Variants in PI4KA observed in about 807,000 individuals in gnomAD.
The protein encoded by PI4KA is PI4-kinase alpha.
Under a neutral mutation model 271.4 loss-of-function variants are expected in PI4KA, and 122 were observed. The ratio of observed to expected loss-of-function variants is 0.45; its 90% confidence interval spans 0.39 to 0.52. The LOEUF (loss-of-function observed/expected upper bound fraction) is 0.52, where lower values mean the gene tolerates loss of function less well. PI4KA is among the 20% of genes least tolerant of loss of function. The pLI is 0.00. For synonymous variants in PI4KA, 1,041 were observed against 1,078.8 expected, an observed-to-expected ratio of 0.96 and a Z score of 0.69; for missense variants, 1,969 against 2,769.1, an observed-to-expected ratio of 0.71 and a Z score of 6.48.
chr22:20,809,072 AGACAACGTC>A (rs1935846144), intron 9 of PI4KA, among the ~76,000 whole-genome samples: 1 of 152,146 alleles, frequency 6.6e-6, no homozygotes, highest in South Asian at 2.1e-4. Flanking sequence ...ATGGCTTTAC[AGACAACGTC>A]TGGTGGTCCT....
chr22:20,765,657 G>A lies in PI4KA; in HGVS notation c.2365C>T (p.Pro789Ser). ...RRLPPIKEAK[P>S]RLQKLFRDFW... ...TCTCGGAAGAGCTTCTGTAACCGAG[G>A]CTTAGCTTCTTTGATGGGTGGCAGT... The change falls in exon 20 of 55, where the codon CCT (proline) becomes TCT (serine). Residue 789 changes from proline to serine, a missense_variant. By Grantham distance (74) the Pro-to-Ser change is moderately conservative (BLOSUM62 -1). Transcript: ENST00000255882. 4 of 1,611,864 alleles carry A rather than the reference G, an allele frequency of 2.5e-6. No homozygotes were observed. Among genetic ancestry groups the A allele is most frequent in the Non-Finnish European group, 3.4e-6 (4 of 1,178,080 alleles).
At chr22:20,750,050 C>T (rs770347752) in intron 27 of PI4KA, 56 bp from the exon 28 acceptor site, 39 of 1,126,810 alleles carry the variant, frequency 3.5e-5, no homozygotes, top group Non-Finnish European at 4.5e-5. Context: ...TCTGAGCTGC[C>T]GTAGTGACTG....
At chr22:20,786,809 T>C (rs1934272026) in intron 19 of PI4KA, 3 of 1,454,404 alleles carry the variant, frequency 2.1e-6, no homozygotes, top group East Asian at 2.3e-5. Flanking sequence ...GATATGAGAT[T>C]GTGCTGGGAA....
rs1926113580 is a variant in PI4KA, at chr22:20,717,260, T to C, written c.5317+448A>G. Among the ~76,000 whole-genome samples the C allele has an allele frequency of 3.9e-5, 6 of 152,202 alleles. No individual in the cohort carries two copies. In the South Asian group the frequency reaches 1.2e-3, roughly 31 times the overall value. ...CTTCTCTTGAAAAGCTCAGCTTGAA[T>C]TCCCATGTGGCCACAGCCACAGGCA... On this transcript the variant is annotated intron_variant, in intron 45 of 54. Transcript: ENST00000255882.
intron 2 of PI4KA, among the ~76,000 whole-genome samples, chr22:20,837,846 A>G (rs987379902): frequency 6.6e-6 from 1 of 152,080 alleles, no homozygotes; most frequent in African/African-American, 2.4e-5. Context: ...GATGGCTCAC[A>G]CGTGGTTCAC....
At chr22:20,764,576 G>C in intron 22 of PI4KA, 1 of 468,324 alleles carries the variant, frequency 2.1e-6, no homozygotes, top group Non-Finnish European at 3.8e-6. Flanking sequence ...TCAGAAGCCT[G>C]TTTCCTATCA....
intron 4 of PI4KA, among the ~76,000 whole-genome samples, chr22:20,821,851 T>G (rs1922732862): frequency 6.6e-6 from 1 of 152,156 alleles, no homozygotes; most frequent in African/African-American, 2.4e-5. Context: ...CACCTCGGCC[T>G]CCCAAGGTAC....
Position 20,751,281 on chromosome 22 carries a change from T to C in PI4KA, c.3153+12A>G. ...AGATGGCCCTTAGTGCAGGGGATCG[T>C]GTCGGGCCTACCTCACGGGCTTCGT... On this transcript the variant is annotated intron_variant, in intron 27 of 54. Coordinates refer to ENST00000255882, the MANE Select transcript of PI4KA (RefSeq NM_058004.4). The C allele has an allele frequency of 6.2e-7, 1 of 1,608,566 alleles. No individual in the cohort carries two copies. The highest frequency in any genetic ancestry group is 1.1e-5 in the South Asian group (1 of 90,942).
rs1275067699 is a variant in PI4KA at position 20,824,410 on chromosome 22, G to A, written c.372C>T (p.Ala124=). 3 of 1,611,168 alleles carry A rather than the reference G, an allele frequency of 1.9e-6. No homozygotes were observed. The highest frequency in any genetic ancestry group is 3.3e-4 in the Middle Eastern group (2 of 6,082). The change falls in exon 4 of 55, where the codon GCC becomes GCT. Residue 124 remains alanine, a synonymous_variant. Transcript: ENST00000255882. The stretch of plus-strand genomic sequence containing the variant: ...AGCTGAAGCTCTCTGCAACCGGGAG[G>A]GCACCTGGAAGATGTAAAAACATAA... ...EESTARKGRG[A]LPVAESFSFC...
In PI4KA at chr22:20,792,843, G is replaced by A. The variant is rs369321920; in HGVS notation, c.2328+350C>T. Among the ~76,000 whole-genome samples, 16 of 152,358 alleles carry A rather than the reference G, an allele frequency of 1.1e-4. No individual in the cohort carries two copies. The South Asian group carries it at 2.9e-3, about 28-fold the overall frequency. On this transcript the variant is annotated intron_variant, in intron 19 of 54. Coordinates refer to ENST00000255882, the MANE Select transcript of PI4KA (RefSeq NM_058004.4). ...GTGGGAAGGAGCCAAGGAAGGGATGGAAGCAGGGAGCTGGCCCAGCATCAG... is the reference window on the plus strand; with the variant it reads ...GTGGGAAGGAGCCAAGGAAGGGATGAAAGCAGGGAGCTGGCCCAGCATCAG...
intron 1 of PI4KA, among the ~76,000 whole-genome samples, chr22:20,856,141 G>A (rs1462614463): frequency 1.3e-5 from 2 of 152,042 alleles, no homozygotes; most frequent in Non-Finnish European, 2.9e-5. Context: ...ACTAAACCCC[G>A]TCTCTACTAA....
At chr22:20,858,529 C>CCCT in intron 1 of PI4KA, 41 bp downstream of exon 1, 1 of 1,313,218 alleles carries the variant, frequency 7.6e-7, no homozygotes, top group Admixed American at 3.0e-5. Flanking sequence ...TCACCCCAGC[C>CCCT]CCTCCTCCTG....
At chr22:20,804,489 T>C (rs895104872) in intron 11 of PI4KA, 89 bp from the exon 12 acceptor site, 2 of 901,378 alleles carry the variant, frequency 2.2e-6, no homozygotes, top group Non-Finnish European at 1.8e-6. Context: ...CAGAATTTAA[T>C]AAAACCCCAG....
chr22:20,827,292 C>G (rs1375681122), intron 3 of PI4KA, among the ~76,000 whole-genome samples: 1 of 152,158 alleles, frequency 6.6e-6, no homozygotes, highest in Non-Finnish European at 1.5e-5. Flanking sequence ...TATCCTAGCG[C>G]CATTTATTGA....
intron 19 of PI4KA, chr22:20,784,093 C>T (rs1290227867): frequency 6.2e-7 from 1 of 1,614,152 alleles, no homozygotes; most frequent in South Asian, 1.1e-5. Context: ...CAGCAAATGA[C>T]CAGGAGCTGG....
rs750201660 is a variant in PI4KA at position 20,734,377 on chromosome 22, G to C, written c.3900+18C>G. The C allele has an allele frequency of 2.6e-6, 4 of 1,555,408 alleles. No individual in the cohort carries two copies. Among genetic ancestry groups the C allele is most frequent in the Non-Finnish European group, 3.5e-6 (4 of 1,135,580 alleles). Reference sequence around the variant, plus strand: ...AGGTGGAGCACCCCACAGCCTTCGTGGGGGAACAGGCACGTACGTCGATCC... The same window carrying C: ...AGGTGGAGCACCCCACAGCCTTCGTCGGGGAACAGGCACGTACGTCGATCC... On this transcript the variant is annotated intron_variant, in intron 33 of 54. Coordinates refer to ENST00000255882, the MANE Select transcript of PI4KA (RefSeq NM_058004.4).
chr22:20,721,578 G>T, intron 42 of PI4KA, 160 bp from the exon 43 acceptor site: 1 of 700,156 alleles, frequency 1.4e-6, no homozygotes, highest in Non-Finnish European at 2.4e-6. Context: ...GTTGAGTCCA[G>T]CCAGTGGCCA....
intron 25 of PI4KA, 27 bp from the exon 26 acceptor site, chr22:20,751,782 C>G (rs777028810): frequency 3.1e-6 from 5 of 1,604,328 alleles, no homozygotes; most frequent in Non-Finnish European, 4.3e-6. Flanking sequence ...CTCTCAGGAC[C>G]AAGAGCCAAA....
In PI4KA at chr22:20,710,394, G is replaced by A. The variant is rs961733984; in HGVS notation, c.6083+305C>T. The A allele has an allele frequency of 5.5e-5, 30 of 541,938 alleles. No individual in the cohort carries two copies. The Middle Eastern group carries it at 2.0e-3, about 37-fold the overall frequency. The allele number at this position is 541,938 out of a possible 1,614,324, so 33.6% of individuals were successfully genotyped here. On this transcript the variant is annotated intron_variant, in intron 52 of 54. Coordinates refer to ENST00000255882, the MANE Select transcript of PI4KA (RefSeq NM_058004.4). ...CTGGGACAAAGCCCATCTTTGGCAC[G>A]TAGCCTGTGGGGTGGCAGGTGCTCA...
Sources: gnomAD v4.1 joint callset for allele counts (sites outside exome capture counted in the v4.1 genomes callset) on GRCh38, gnomAD v4.1.1 for gene constraint, MANE v1.5 for transcripts, NCBI Gene and HGNC (gene_info 2026-07-23, HGNC 2026-07-21) for gene names.